Variants in SPTBN5 observed in about 807,000 individuals in gnomAD.
SPTBN5 encodes the protein spectrin beta, non-erythrocytic 5.
In SPTBN5, 513 loss-of-function variants were observed where a neutral mutation model predicts 477.6. The ratio of observed to expected loss-of-function variants is 1.07; its 90% CI spans 1.00 to 1.16. The LOEUF (loss-of-function observed/expected upper bound fraction) is 1.16, where lower values mean the gene tolerates loss of function less well. SPTBN5 is among the 50% of genes most tolerant of loss of function. The probability of loss-of-function intolerance (pLI) is 0.00; values close to 1 mark genes in which losing one functional copy is unlikely to be tolerated. For synonymous variants in SPTBN5, 2,169 were observed against 2,011.7 expected, an observed-to-expected ratio of 1.08 and a Z score of -2.09; for missense variants, 5,062 against 4,731.8, an observed-to-expected ratio of 1.07 and a Z score of -2.05.
At chr15:41,879,947 TGC>T in intron 14 of SPTBN5, 83 bp from the exon 15 acceptor site, 1 of 1,556,806 alleles carries the variant, frequency 6.4e-7, no homozygotes, top group East Asian at 2.3e-5. Context: ...ACCTGAGTGG[TGC>T]TCTCTGCTAC....
In SPTBN5 at chr15:41,866,373, G is replaced by A. The variant is rs766729305; in HGVS notation, c.6601C>T (p.His2201Tyr). 5.0e-6 allele frequency: 8 copies of A among 1,609,624 alleles called. No individual in the cohort carries two copies. In the South Asian group the frequency reaches 7.7e-5, roughly 16 times the overall value. Residue 2201 changes from histidine to tyrosine, a missense_variant, in exon 37 of 68, where the codon CAT becomes TAT. Physicochemically the swap from His to Tyr is moderately conservative, Grantham distance 83. Coordinates refer to ENST00000320955, the MANE Select transcript of SPTBN5 (RefSeq NM_016642.4). ...HQAFEAEVQA[H>Y]EEVMTSVAKK... is the part of the protein sequence containing the mutation. ...GCAACAGAGGTCATGACCTCCTCAT[G>A]GGCCTGGACTTCAGCCTCAAAGGCC...
At position 41,876,103 on chromosome 15, in the gene SPTBN5, G is replaced by A. The variant is rs374012871; in HGVS notation, c.4122+11C>T. On this transcript the variant is annotated intron_variant, in intron 21 of 67. Coordinates refer to ENST00000320955, the MANE Select transcript of SPTBN5 (RefSeq NM_016642.4). ...AAGGAGGCTCTGCACCCTCTGTCCCGTGTCCCCCACCTGCTGCAGGGCCTC... is the reference window on the plus strand; with the variant it reads ...AAGGAGGCTCTGCACCCTCTGTCCCATGTCCCCCACCTGCTGCAGGGCCTC... The A allele has an allele frequency of 1.5e-4, 233 of 1,592,590 alleles. No individual in the cohort carries two copies. Among genetic ancestry groups the A allele is most frequent in the Non-Finnish European group, 1.9e-4 (224 of 1,173,072 alleles).
chr15:41,881,803 G>T, intron 12 of SPTBN5, 133 bp downstream of exon 12: 1 of 792,844 alleles, frequency 1.3e-6, no homozygotes, highest in Non-Finnish European at 1.9e-6. Flanking sequence ...TGGGGTGAGG[G>T]ACACCTACAC....
At chr15:41,887,474 C>CAGT in intron 5 of SPTBN5, 33 bp from the exon 6 acceptor site, 2 of 1,483,506 alleles carry the variant, frequency 1.3e-6, no homozygotes, top group Non-Finnish European at 1.8e-6. Context: ...TCTTCACCAG[C>CAGT]AGGAACCTAC....
In SPTBN5 at chr15:41,882,418, G is replaced by A; in HGVS notation, c.2098C>T (p.Arg700Trp). ...CGGGCGCTGAGGTCGCGTCCCCTCC[G>A]CACGAGATCTACGCACACGGCCTGG... ...RHQAVCVDLV[R>W]RGRDLSARRP... The change falls in exon 11 of 68, where the codon CGG becomes TGG. Residue 700 changes from arginine (R) to tryptophan (W), a missense_variant. Physicochemically the swap from Arg to Trp is moderately radical, Grantham distance 101. Transcript: ENST00000320955. 6.5e-7 allele frequency: 1 copy of A among 1,539,732 alleles called. No individual in the cohort carries two copies.
Position 41,854,837 on chromosome 15 carries a change from C to A in SPTBN5, c.9563G>T (p.Ser3188Ile), listed in dbSNP as rs1280503912. 2 of 1,596,904 alleles carry A rather than the reference C, an allele frequency of 1.3e-6. No homozygotes were observed. The highest frequency in any genetic ancestry group is 3.5e-5 in the Admixed American group (2 of 56,550). ...RRYPHIQAQRSRIEAAWERLD... is the reference protein window; with the variant it reads ...RRYPHIQAQRIRIEAAWERLD... ...CCTCTCCCAAGCAGCCTCAATGCGG[C>A]TCCTCTGGGCTTGGATGTGGGGATA... The change falls in exon 56 of 68, where the codon AGC (serine) becomes ATC (isoleucine). Residue 3188 changes from serine (S) to isoleucine (I), a missense_variant. Coordinates refer to ENST00000320955, the MANE Select transcript of SPTBN5 (RefSeq NM_016642.4).
chr15:41,850,342 G>A (rs1244948803), intron 66 of SPTBN5: 7 of 271,708 alleles, frequency 2.6e-5, no homozygotes, highest in East Asian at 1.6e-4. Flanking sequence ...CGGTCCACAC[G>A]GAGCCTCAGC....
intron 29 of SPTBN5, 33 bp downstream of exon 29, chr15:41,871,342 A>G: frequency 7.2e-7 from 1 of 1,382,298 alleles, no homozygotes; most frequent in East Asian, 3.0e-5. Flanking sequence ...CTTCCCCCAA[A>G]CCCCATGCTG....
chr15:41,862,699 G>T, intron 42 of SPTBN5, 39 bp from the exon 43 acceptor site: 1 of 1,540,034 alleles, frequency 6.5e-7, no homozygotes, highest in Non-Finnish European at 8.7e-7. Context: ...GGGCAGGGGA[G>T]CTCTGGGCCA....
At position 41,868,407 on chromosome 15, in the gene SPTBN5, G is replaced by A. The variant is rs1205775520; in HGVS notation, c.6048C>T (p.Pro2016=). The A allele has an allele frequency of 1.2e-6, 2 of 1,602,370 alleles. No individual in the cohort carries two copies. The highest frequency in any genetic ancestry group is 1.3e-5 in the African/African-American group (1 of 74,758). The change falls in exon 33 of 68, where the codon CCC becomes CCT. Residue 2016 remains proline (P), a synonymous_variant. Transcript: ENST00000320955. ...AGGGGAGGGGGCCCACCTCCTTGGT[G>A]GGTGTCCCTGCAGCAAGAAGTGCCT... The part of the protein sequence containing the change: ...GQQALLAAGT[P]TKEVQEELRA...
intron 24 of SPTBN5, 86 bp downstream of exon 24, chr15:41,874,206 G>C: frequency 6.5e-7 from 1 of 1,527,264 alleles, no homozygotes; most frequent in South Asian, 1.2e-5. Context: ...AGGGCTTAGA[G>C]GCCAGGACAC....
In SPTBN5 at chr15:41,885,925, C is replaced by T. The variant is rs779124949; in HGVS notation, c.1330G>A (p.Asp444Asn). Residue 444 changes from aspartate (D) to asparagine (N), a missense_variant, in exon 7 of 68, where the codon GAT (aspartate) becomes AAT (asparagine). Asp to Asn is a conservative substitution (Grantham distance 23). Coordinates refer to ENST00000320955, the MANE Select transcript of SPTBN5 (RefSeq NM_016642.4). ...KAALRESFLK[D>N]AEQVLDQARA... ...GCCTGGTCTAGCACCTGCTCTGCATCCTTAAGGAAACTCTCCCGGAGGGCT... is the reference window on the plus strand; with the variant it reads ...GCCTGGTCTAGCACCTGCTCTGCATTCTTAAGGAAACTCTCCCGGAGGGCT... 6.2e-5 allele frequency: 98 copies of T among 1,578,516 alleles called. No individual in the cohort carries two copies. In the South Asian group the frequency reaches 8.9e-4, roughly 14 times the overall value.
intron 5 of SPTBN5, 66 bp downstream of exon 5, chr15:41,887,862 G>T: frequency 6.6e-7 from 1 of 1,510,700 alleles, no homozygotes; most frequent in Non-Finnish European, 9.0e-7. Context: ...CGGGTGGGCT[G>T]AGGACCCAAA....
chr15:41,858,095 A>G (rs113772279), intron 49 of SPTBN5, among the ~76,000 whole-genome samples: 10,180 of 152,210 alleles, frequency 0.067, 459 homozygotes, highest in African/African-American at 0.11. Context: ...TCAGGAGTTT[A>G]ACACCAGCCT....
chr15:41,865,748 C>G (rs1707747063), intron 39 of SPTBN5, 60 bp downstream of exon 39: 2 of 1,438,578 alleles, frequency 1.4e-6, no homozygotes, highest in Non-Finnish European at 1.9e-6. Context: ...TTTCCCTGCT[C>G]TCAGTTGGAT....
In SPTBN5 at chr15:41,848,592, T is replaced by C. The variant is rs2065634233; in HGVS notation, c.*24A>G. On this transcript the variant is annotated 3_prime_UTR_variant, in exon 68 of 68. Coordinates refer to ENST00000320955, the MANE Select transcript of SPTBN5 (RefSeq NM_016642.4). ...TGTGTCCTCGCTTGTGCCCCTGAAG[T>C]TTGGTGTTGCACTGGGGTTCACCTC... is the stretch of plus-strand genomic sequence containing the variant. 1 of 1,613,868 alleles carries C rather than the reference T, an allele frequency of 6.2e-7. No individual in the cohort carries two copies. Among genetic ancestry groups the C allele is most frequent in the Non-Finnish European group, 8.5e-7 (1 of 1,179,804 alleles).
At position 41,867,673 on chromosome 15, in the gene SPTBN5, A is replaced by G. The variant is rs1274118720; in HGVS notation, c.6208-31T>C. ...TCCACAGAAAAGTCAGAGGCCACCA[A>G]GCCTTCCAGCCAGCCAGCCCCTCCA... On this transcript the variant is annotated intron_variant, in intron 34 of 67. Transcript: ENST00000320955. The G allele has an allele frequency of 3.1e-6, 5 of 1,601,138 alleles. No individual in the cohort carries two copies. The Admixed American group carries it at 5.0e-5, about 16-fold the overall frequency.
rs371946920 is a variant in SPTBN5 at position 41,863,681 on chromosome 15, C to A, written c.7149+23G>T. The A allele has an allele frequency of 1.6e-5, 26 of 1,596,432 alleles. 2 individuals are homozygous for A. In the Admixed American group the frequency reaches 3.0e-4, roughly 18 times the overall value. On this transcript the variant is annotated intron_variant, in intron 41 of 67. Transcript: ENST00000320955. ...GACTGCATTTGCTCACAGCCCCCACCGGGACCTCTTTCCACCACGTACCTT... is the reference window on the plus strand; with the variant it reads ...GACTGCATTTGCTCACAGCCCCCACAGGGACCTCTTTCCACCACGTACCTT...
At chr15:41,864,438 C>A (rs894577294) in intron 39 of SPTBN5, among the ~76,000 whole-genome samples, 1 of 152,202 alleles carries the variant, frequency 6.6e-6, no homozygotes, top group Admixed American at 6.5e-5. Context: ...CTCAGCCTCC[C>A]GAGTAGCTGG....
Sources: allele counts gnomAD v4.1 joint callset (sites outside exome capture counted in the v4.1 genomes callset), GRCh38; gene constraint gnomAD v4.1.1; transcripts MANE v1.5; gene names NCBI Gene and HGNC (gene_info 2026-07-23, HGNC 2026-07-21).